Variants in CUL2 observed in about 807,000 individuals in gnomAD.
The protein encoded by CUL2 is cullin 2, also known as cullin-2.
In CUL2, 22 loss-of-function variants were observed where a neutral mutation model predicts 110.2. The ratio of observed to expected loss-of-function variants is 0.20; its 90% CI spans 0.14 to 0.28. CUL2 has a LOEUF of 0.28. Ranked by LOEUF, CUL2 falls within the 10% of genes least tolerant of loss-of-function variation. The probability of loss-of-function intolerance (pLI) is 1.00; values close to 1 mark genes in which losing one functional copy is unlikely to be tolerated. For synonymous variants in CUL2, 279 were observed against 293.2 expected (o/e 0.95, Z 0.49); for missense variants, 631 against 905.5 (o/e 0.70, Z 3.89).
Position 35,011,832 on chromosome 10 carries a change from A to T in CUL2, c.2106+16T>A. 2 of 1,434,920 alleles carry T rather than the reference A, an allele frequency of 1.4e-6. No individual in the cohort carries two copies. The highest frequency in any genetic ancestry group is 2.0e-6 in the Non-Finnish European group (2 of 1,017,830). The allele number at this position is 1,434,920 out of a possible 1,614,324, so 88.9% of individuals were successfully genotyped here. On this transcript the variant is annotated intron_variant, in intron 20 of 20. Coordinates refer to ENST00000374749, the MANE Select transcript of CUL2 (RefSeq NM_003591.4). ...CCCTCTACCCTAAGAAGCCCTGAGG[A>T]CTGCCCTCCTTTTACCTCTTGAATA...
chr10:35,082,944 G>A (rs1057151705), intron 1 of CUL2, among the ~76,000 whole-genome samples: 2 of 152,092 alleles, frequency 1.3e-5, no homozygotes, highest in Non-Finnish European at 2.9e-5. Flanking sequence ...GATCACTTGA[G>A]GTCAGGAGTT....
intron 4 of CUL2, among the ~76,000 whole-genome samples, chr10:35,057,558 C>T (rs2086268990): frequency 6.8e-6 from 1 of 147,102 alleles, no homozygotes; most frequent in African/African-American, 2.5e-5. Flanking sequence ...GAGGCTGAGG[C>T]AGGAGAATCA....
intron 12 of CUL2, 143 bp downstream of exon 12, chr10:35,032,292 T>C: frequency 1.5e-6 from 1 of 669,810 alleles, no homozygotes; most frequent in Non-Finnish European, 2.5e-6. Context: ...CTTACATAAA[T>C]GCCAAACTAT....
intron 1 of CUL2, among the ~76,000 whole-genome samples, chr10:35,082,684 A>G (rs1019725576): frequency 6.6e-6 from 1 of 152,222 alleles, no homozygotes; most frequent in African/African-American, 2.4e-5. Context: ...ATGCATTCTA[A>G]TCAAAATAAT....
chr10:35,053,708 C>T (rs986885889), intron 5 of CUL2, among the ~76,000 whole-genome samples: 6 of 152,156 alleles, frequency 3.9e-5, no homozygotes, highest in Admixed American at 6.5e-5. Context: ...CAATTTCTTT[C>T]GGAAAGGATT....
At chr10:35,034,211 C>T (rs183865062) in intron 10 of CUL2, among the ~76,000 whole-genome samples, 2 of 152,252 alleles carry the variant, frequency 1.3e-5, no homozygotes, top group African/African-American at 4.8e-5. Context: ...ACACAAAATT[C>T]GATGCTTCTA....
intron 3 of CUL2, among the ~76,000 whole-genome samples, chr10:35,062,369 A>G (rs1189209343): frequency 6.6e-6 from 1 of 152,174 alleles, no homozygotes; most frequent in Non-Finnish European, 1.5e-5. Flanking sequence ...GAGATTTACC[A>G]AGAGATAGGA....
intron 2 of CUL2, among the ~76,000 whole-genome samples, chr10:35,066,692 C>T (rs1232255197): frequency 5.3e-5 from 8 of 152,166 alleles, no homozygotes; most frequent in Admixed American, 4.6e-4. Flanking sequence ...CTAATTAAAT[C>T]GAAAATTTTC....
chr10:35,038,952 C>T lies in CUL2; in HGVS notation c.845G>A (p.Cys282Tyr). Residue 282 changes from cysteine to tyrosine, a missense_variant, in exon 9 of 21, where the codon TGT (cysteine) becomes TAT (tyrosine). Transcript: ENST00000374749. ...TTTCTCTTGTCGAATTATATTATGA[C>T]ATTCTGCATGTAAAAACTGTAAGTG... ...ADHLQFLHAE[C>Y]HNIIRQEKKN... is the part of the protein sequence containing the mutation. The T allele has an allele frequency of 6.2e-7, 1 of 1,605,104 alleles. No homozygotes were observed. The highest frequency in any genetic ancestry group is 1.1e-5 in the South Asian group (1 of 89,448).
chr10:35,095,510 C>T (rs1011229728), upstream of CUL2, among the ~76,000 whole-genome samples: 1 of 151,926 alleles, frequency 6.6e-6, no homozygotes, highest in Non-Finnish European at 1.5e-5. Flanking sequence ...GCTATTTGTA[C>T]TTCTCTGATT....
chr10:35,118,155 G>A (rs913259117), intron 1 of CUL2: 1 of 152,148 alleles, frequency 6.6e-6, no homozygotes, highest in Non-Finnish European at 1.5e-5. Flanking sequence ...ATGCAGAATA[G>A]TTTCACTGCC....
chr10:35,067,120 CAA>C (rs1289710144), intron 2 of CUL2, among the ~76,000 whole-genome samples: 6 of 88,604 alleles, frequency 6.8e-5, no homozygotes, highest in Non-Finnish European at 1.1e-4. Flanking sequence ...GCCTGGGCAA[CAA>C]GAGCAAAACT....
intron 19 of CUL2, 92 bp from the exon 20 acceptor site, chr10:35,012,056 T>A: frequency 1.4e-5 from 6 of 427,430 alleles, no homozygotes; most frequent in South Asian, 4.8e-5. Flanking sequence ...GCAAATACTT[T>A]TTTTTTTTTT....
chr10:35,055,470 C>T (rs144191257), intron 4 of CUL2, among the ~76,000 whole-genome samples: 423 of 152,344 alleles, frequency 2.8e-3, no homozygotes, highest in African/African-American at 9.7e-3. Context: ...TCGGGGCTCA[C>T]GCCTGTAATC....
At chr10:35,030,881 A>G (rs564661118) in intron 14 of CUL2, among the ~76,000 whole-genome samples, 1 of 152,272 alleles carries the variant, frequency 6.6e-6, no homozygotes, top group South Asian at 2.1e-4. Context: ...GAAAAAGGAA[A>G]AAAGGAATGC....
chr10:35,116,053 ATAT>A (rs1174927452), intron 1 of CUL2, among the ~76,000 whole-genome samples: 2 of 151,760 alleles, frequency 1.3e-5, no homozygotes, highest in African/African-American at 4.8e-5. Context: ...ATAAAAAAAA[ATAT>A]TATGGGCCGG....
At chr10:35,094,773 G>C (rs1446935485), upstream of CUL2, among the ~76,000 whole-genome samples, 2 of 151,998 alleles carry the variant, frequency 1.3e-5, no homozygotes, top group African/African-American at 4.8e-5. Context: ...TCGTAAAATA[G>C]TTATTAGCAT....
intron 5 of CUL2, among the ~76,000 whole-genome samples, chr10:35,051,405 A>G (rs1344789804): frequency 6.6e-6 from 1 of 151,832 alleles, no homozygotes; most frequent in African/African-American, 2.4e-5. Flanking sequence ...CAAGGTCAGG[A>G]GATGGAGACC....
At chr10:35,085,208 C>G (rs991815700) in intron 1 of CUL2, among the ~76,000 whole-genome samples, 1 of 151,744 alleles carries the variant, frequency 6.6e-6, no homozygotes, top group East Asian at 1.9e-4. Context: ...GCAGGCAGAT[C>G]ACAAGGTCAG....
Sources: allele counts gnomAD v4.1 joint callset (sites outside exome capture counted in the v4.1 genomes callset), GRCh38; gene constraint gnomAD v4.1.1; transcripts MANE v1.5; gene names NCBI Gene and HGNC (gene_info 2026-07-23, HGNC 2026-07-21).